IGSF8: variants seen among roughly 807,000 people sequenced by gnomAD.
The protein encoded by IGSF8 is immunoglobulin superfamily member 8, also known as CD81 partner 3.
Under a neutral mutation model 55.5 loss-of-function variants are expected in IGSF8, and 46 were observed. The ratio of observed to expected loss-of-function variants is 0.83; its 90% CI spans 0.65 to 1.06. The LOEUF is 1.06. Among genes scored for constraint, IGSF8 ranks in the 50% least tolerant of loss-of-function variants. The pLI, the probability that IGSF8 is intolerant of heterozygous loss-of-function variation, is 0.00. For missense variants in IGSF8, 731 were observed against 832.3 expected (o/e 0.88, Z 1.50); for synonymous variants, 314 against 356.1 (o/e 0.88, Z 1.33).
rs751089845 is a variant in IGSF8 at position 160,091,909 on chromosome 1, C to G, written c.1756G>C (p.Val586Leu). ...GTGACTAGGGCCACCCCTGTACCCA[C>G]CAGCAGAGGCACAAATAGGGTGTCC... ...ALDTLFVPLL[V>L]GTGVALVTGA... Residue 586 changes from valine to leucine, a missense_variant, in exon 6 of 7, where the codon GTG (valine) becomes CTG (leucine). Physicochemically the swap from Val to Leu is conservative, Grantham distance 32 (BLOSUM62 1). Transcript: ENST00000314485. 1 of 1,613,594 alleles carries G rather than the reference C, an allele frequency of 6.2e-7. No individual in the cohort carries two copies. The highest frequency in any genetic ancestry group is 1.1e-5 in the South Asian group (1 of 91,066).
rs768674200 is a variant in IGSF8, at chr1:160,092,541, G to A, written c.1467C>T (p.Leu489=). Residue 489 remains leucine, a synonymous_variant, in exon 5 of 7, where the codon CTC becomes CTT. Coordinates refer to ENST00000314485, the MANE Select transcript of IGSF8 (RefSeq NM_052868.6). The part of the protein sequence containing the change: ...WWVERPEDGE[L]SSVPAQLVGG... ...CCACCAGCTGGGCAGGGACAGAGCT[G>A]AGCTCTCCGTCCTCTGGTCGCTCCA... is the stretch of plus-strand genomic sequence containing the variant. 101 of 1,612,224 alleles carry A rather than the reference G, an allele frequency of 6.3e-5. No individual in the cohort carries two copies. Among genetic ancestry groups the A allele is most frequent in the Non-Finnish European group, 8.5e-5 (100 of 1,179,706 alleles).
chr1:160,098,477 C>T lies in IGSF8; in HGVS notation c.-5G>A. The T allele has an allele frequency of 6.5e-7, 1 of 1,536,494 alleles. No homozygotes were observed. The highest frequency in any genetic ancestry group is 8.8e-7 in the Non-Finnish European group (1 of 1,142,474). On this transcript the variant is annotated 5_prime_UTR_variant, in exon 1 of 7. Coordinates refer to ENST00000314485, the MANE Select transcript of IGSF8 (RefSeq NM_052868.6). The stretch of plus-strand genomic sequence containing the variant: ...CGTGGGCCTGAGGGCGCCCATCCTG[C>T]GCGGCCAGCTCTGGGGAGGCTCCGG...
chr1:160,091,664 C>T (rs1351072960), intron 6 of IGSF8, 56 bp from the exon 7 acceptor site: 7 of 633,474 alleles, frequency 1.1e-5, no homozygotes, highest in South Asian at 3.7e-5. Context: ...GGGGCTCCCT[C>T]GCGGCCTCCA....
intron 1 of IGSF8, chr1:160,097,588 C>G: frequency 1.6e-6 from 1 of 637,188 alleles, no homozygotes; most frequent in African/African-American, 2.0e-5. Context: ...GTCTCCATGC[C>G]ATACTCTTCC....
chr1:160,098,292 G>A (rs947316252), intron 1 of IGSF8, 117 bp downstream of exon 1: 5 of 1,408,994 alleles, frequency 3.5e-6, no homozygotes, highest in Admixed American at 2.7e-5. Flanking sequence ...CGACCCCGGG[G>A]AGGCTGGAGG....
chr1:160,094,930 G>A lies in IGSF8; in HGVS notation c.381C>T (p.Cys127=), dbSNP rs1203920694. The change falls in exon 2 of 7, where the codon TGC becomes TGT. Residue 127 remains cysteine, a synonymous_variant. Transcript: ENST00000314485. This position sits in a 1 kb window ranked among gnomAD's most constrained non-coding sequence, Gnocchi z 4.0. ...AGCGGGTATCAGTGGAGGGGGTGTG[G>A]CACTCATAAATGCCGGCATCCTGGG... ...LQAQDAGIYE[C]HTPSTDTRYL... is the part of the protein sequence containing the mutation. 6.2e-7 allele frequency: 1 copy of A among 1,614,072 alleles called. No homozygotes were observed. Among genetic ancestry groups the A allele is most frequent in the Non-Finnish European group, 8.5e-7 (1 of 1,180,020 alleles).
At chr1:160,091,996 T>C in intron 5 of IGSF8, 58 bp from the exon 6 acceptor site, 1 of 1,215,786 alleles carries the variant, frequency 8.2e-7, no homozygotes, top group Non-Finnish European at 1.2e-6. Flanking sequence ...CCCATACACT[T>C]GCCTCTGCGC....
chr1:160,097,858 CA>C, intron 1 of IGSF8: 1 of 985,468 alleles, frequency 1.0e-6, no homozygotes, highest in Non-Finnish European at 1.2e-6. Context: ...GGAAGAAGGG[CA>C]AAGAGGGACC....
In IGSF8 at chr1:160,092,990, C is replaced by G; in HGVS notation, c.1246G>C (p.Gly416Arg). ...CTGGCTGCTTCACGAAGCCGGGTCC[C>G]AGACCCTCGAACATAGGCTTTGGCG... ...CLAKAYVRGS[G>R]TRLREAASAR... is the part of the protein sequence containing the mutation. The change falls in exon 4 of 7, where the codon GGG becomes CGG. Residue 416 changes from glycine to arginine, a missense_variant. Transcript: ENST00000314485. 6.2e-7 allele frequency: 1 copy of G among 1,613,828 alleles called. No individual in the cohort carries two copies. The highest frequency in any genetic ancestry group is 8.5e-7 in the Non-Finnish European group (1 of 1,179,716).
At position 160,092,769 on chromosome 1, in the gene IGSF8, G is replaced by T. The variant is rs116705704; in HGVS notation, c.1313-74C>A. 5 of 1,535,590 alleles carry T rather than the reference G, an allele frequency of 3.3e-6. No homozygotes were observed. The Admixed American group carries it at 7.0e-5, about 21-fold the overall frequency. ...GGGGTTAGGGCTGCCGCCAAGCACC[G>T]CCCCAGGAAACTCAGGGTATTCCCA... On this transcript the variant is annotated intron_variant, in intron 4 of 6. Transcript: ENST00000314485.
At chr1:160,092,830 T>A in intron 4 of IGSF8, 94 bp downstream of exon 4, 1 of 1,492,078 alleles carries the variant, frequency 6.7e-7, no homozygotes, top group Non-Finnish European at 9.1e-7. Flanking sequence ...GGCTGTGGCC[T>A]GCAAACAGCT....
chr1:160,095,124 C>A lies in IGSF8; in HGVS notation c.187G>T (p.Glu63Ter). 1 of 1,614,050 alleles carries A rather than the reference C, an allele frequency of 6.2e-7. No homozygotes were observed. The highest frequency in any genetic ancestry group is 8.5e-7 in the Non-Finnish European group (1 of 1,180,042). The change falls in exon 2 of 7, where the codon GAG (glutamate) becomes TAG (stop). Residue 63 changes from glutamate to a stop codon, truncating the protein, a stop_gained. Coordinates refer to ENST00000314485, the MANE Select transcript of IGSF8 (RefSeq NM_052868.6). LOFTEE classifies it high-confidence loss of function. ...GCCTCGGGCCTATACAGGAACCACT[C>A]GAAGTTCTGCTGGGCAGGGCCCTCA... ...GYEGPAQQNF[E>*]WFLYRPEAPD...
chr1:160,097,856 G>C (rs1650543933), intron 1 of IGSF8: 1 of 985,478 alleles, frequency 1.0e-6, no homozygotes, highest in Non-Finnish European at 1.2e-6. Flanking sequence ...CAGGAAGAAG[G>C]GCAAAGAGGG....
chr1:160,098,650 C>T (rs1650624568), upstream of IGSF8: 8 of 555,516 alleles, frequency 1.4e-5, no homozygotes, highest in South Asian at 1.5e-4. Context: ...GCTGCTTTCC[C>T]TCCAGCCCTC....
chr1:160,095,155 G>A lies in IGSF8; in HGVS notation c.156C>T (p.Thr52=), dbSNP rs778665542. ...GTAVSISCNV[T]GYEGPAQQNF... is the part of the protein sequence containing the mutation. ...TCTGCTGGGCAGGGCCCTCATAGCC[G>A]GTCACATTGCAGGAGATGGAGACAG... Residue 52 remains threonine (T), a synonymous_variant, in exon 2 of 7, where the codon ACC becomes ACT. Transcript: ENST00000314485. 6.2e-6 allele frequency: 10 copies of A among 1,613,294 alleles called. No individual in the cohort carries two copies. The highest frequency in any genetic ancestry group is 2.2e-5 in the East Asian group (1 of 44,904).
In IGSF8 at chr1:160,092,597, G is replaced by C; in HGVS notation, c.1411C>G (p.Pro471Ala). 6.2e-7 allele frequency: 1 copy of C among 1,608,084 alleles called. No homozygotes were observed. The highest frequency in any genetic ancestry group is 8.5e-7 in the Non-Finnish European group (1 of 1,179,874). Reference protein sequence around the residue: ...LCNISVRGGPPGLRLAASWWV... With the variant: ...LCNISVRGGPAGLRLAASWWV... ...CAGCTGGCGGCCAGCCGCAGTCCTG[G>C]GGGGCCACCCCGCACAGAGATGTTG... Residue 471 changes from proline (P) to alanine (A), a missense_variant, in exon 5 of 7, where the codon CCA (proline) becomes GCA (alanine). By Grantham distance (27) the Pro-to-Ala change is conservative. Coordinates refer to ENST00000314485, the MANE Select transcript of IGSF8 (RefSeq NM_052868.6).
At position 160,094,864 on chromosome 1, in the gene IGSF8, A is replaced by G. The variant is rs1259149491; in HGVS notation, c.442+5T>C. 1 of 1,609,426 alleles carries G rather than the reference A, an allele frequency of 6.2e-7. No individual in the cohort carries two copies. The highest frequency in any genetic ancestry group is 2.2e-5 in the East Asian group (1 of 44,794). On this transcript the variant is annotated splice_donor_5th_base_variant and intron_variant, in intron 2 of 6. Transcript: ENST00000314485. The surrounding 1 kb of genome is among the most constrained non-coding windows in gnomAD (Gnocchi z 4.0). ...GTGGCTCCACCCCGTCCCAGGGCCCAGTACCTCTCAGCTCCACCTTGCCGC... is the reference window on the plus strand; with the variant it reads ...GTGGCTCCACCCCGTCCCAGGGCCCGGTACCTCTCAGCTCCACCTTGCCGC...
In IGSF8 at chr1:160,091,928, G is replaced by T. The variant is rs1403695172; in HGVS notation, c.1737C>A (p.Thr579=). The change falls in exon 6 of 7, where the codon ACC becomes ACA. Residue 579 remains threonine (T), a synonymous_variant. Transcript: ENST00000314485. ...TVYPYMHALD[T]LFVPLLVGTG... is the part of the protein sequence containing the mutation. ...TACCCACCAGCAGAGGCACAAATAG[G>T]GTGTCCAGGGCTGGGGGAGAGAGGA... is the stretch of plus-strand genomic sequence containing the variant. The T allele has an allele frequency of 6.2e-7, 1 of 1,609,710 alleles. No homozygotes were observed. Among genetic ancestry groups the T allele is most frequent in the Admixed American group, 1.7e-5 (1 of 59,998 alleles).
rs148356613 is a variant in IGSF8, at chr1:160,092,457, G to T, written c.1551C>A (p.Val517=). ...TTCGGGGCCCCACCAGCTCTACGCT[G>T]ACAGGGCCTCCTCCAGGCCGGACTC... ...ELGVRPGGGP[V]SVELVGPRSH... The change falls in exon 5 of 7, where the codon GTC becomes GTA. Residue 517 remains valine, a synonymous_variant. Coordinates refer to ENST00000314485, the MANE Select transcript of IGSF8 (RefSeq NM_052868.6). 131 of 1,613,080 alleles carry T rather than the reference G, an allele frequency of 8.1e-5. 1 individual carries two copies. The Middle Eastern group carries it at 1.3e-3, about 16-fold the overall frequency.
Sources: allele counts gnomAD v4.1 joint callset, GRCh38; gene constraint gnomAD v4.1.1; non-coding constraint Gnocchi (gnomAD v3.1); transcripts MANE v1.5; gene names NCBI Gene and HGNC (gene_info 2026-07-23, HGNC 2026-07-21).